MAP4K5: variants seen among roughly 807,000 people sequenced by gnomAD.
MAP4K5 encodes mitogen-activated protein kinase kinase kinase kinase 5.
Under a neutral mutation model 135.6 loss-of-function variants are expected in MAP4K5, and 82 were observed. The ratio of observed to expected loss-of-function variants is 0.60; its 90% CI spans 0.51 to 0.73. MAP4K5 has a LOEUF of 0.73. Among genes scored for constraint, MAP4K5 ranks in the 30% least tolerant of loss-of-function variants. The pLI is 0.00. For synonymous variants in MAP4K5, 347 were observed against 335.0 expected (o/e 1.04, Z -0.39); for missense variants, 907 against 1,010.9 (o/e 0.90, Z 1.39).
intron 2 of MAP4K5, among the ~76,000 whole-genome samples, chr14:50,512,355 T>C (rs868429006): frequency 6.1e-5 from 9 of 146,566 alleles, no homozygotes; most frequent in Non-Finnish European, 1.4e-4. Context: ...GATACCTTGA[T>C]TTTTTTAGAG....
At chr14:50,544,080 C>T in intron 1 of MAP4K5, among the ~76,000 whole-genome samples, 1 of 152,210 alleles carries the variant, frequency 6.6e-6, no homozygotes, top group East Asian at 1.9e-4. Flanking sequence ...AAGACTATGT[C>T]TGGAATCCCA....
At chr14:50,557,652 C>G (rs1465196269) in intron 1 of MAP4K5, among the ~76,000 whole-genome samples, 4 of 152,038 alleles carry the variant, frequency 2.6e-5, no homozygotes, top group African/African-American at 7.2e-5. Flanking sequence ...AATACATAAC[C>G]ATGTATGTTT....
chr14:50,456,360 C>G lies in MAP4K5; in HGVS notation c.1015+156G>C, dbSNP rs554640745. On this transcript the variant is annotated intron_variant, in intron 14 of 32. Coordinates refer to ENST00000682126, the MANE Select transcript of MAP4K5 (RefSeq NM_006575.6). ...TCAGAAATTACAAACCAAGGGAATT[C>G]CATCGAAACCAGAAAAGCAACCCCT... 1.5e-4 allele frequency: 92 copies of G among 600,924 alleles called. 1 individual carries two copies. The African/African-American group carries it at 1.7e-3, about 11-fold the overall frequency. 37.2% of individuals were successfully genotyped at this position (600,924 alleles called of 1,614,324 possible).
chr14:50,504,141 G>A (rs1018723861), intron 3 of MAP4K5, among the ~76,000 whole-genome samples: 26 of 151,924 alleles, frequency 1.7e-4, no homozygotes, highest in African/African-American at 5.8e-4. Flanking sequence ...CATTTTAACC[G>A]CTCAAACTAG....
At chr14:50,483,609 G>A (rs575355375) in intron 5 of MAP4K5, among the ~76,000 whole-genome samples, 1 of 150,854 alleles carries the variant, frequency 6.6e-6, no homozygotes, top group South Asian at 2.1e-4. Context: ...CTACCGGGAT[G>A]GGTACTTCTT....
intron 12 of MAP4K5, 24 bp downstream of exon 12, chr14:50,464,027 AC>A: frequency 7.4e-7 from 1 of 1,355,800 alleles, no homozygotes; most frequent in Admixed American, 2.0e-5. Context: ...CTATAGGAAG[AC>A]CCCTCGTAAT....
rs764916964 is a variant in MAP4K5, at chr14:50,445,078, G to T, written c.1302C>A (p.Ser434Arg). 1.2e-6 allele frequency: 2 copies of T among 1,613,554 alleles called. No individual in the cohort carries two copies. Among genetic ancestry groups the T allele is most frequent in the African/African-American group, 1.3e-5 (1 of 74,910 alleles). ...RAPQILRRQS[S>R]PSCGPVAETS... ...TCTCTGCCACAGGCCCACAACTTGG[G>T]CTACTCTGTCTTCTGAGAATTTGGG... Residue 434 changes from serine to arginine, a missense_variant, in exon 18 of 33, where the codon AGC becomes AGA. Transcript: ENST00000682126.
Position 50,490,126 on chromosome 14 carries a change from T to TGA in MAP4K5, c.167-3934_167-3933dup, listed in dbSNP as rs1373190945. On this transcript the variant is annotated intron_variant, in intron 3 of 32. Transcript: ENST00000682126. Reference sequence around the variant, plus strand: ...CAGACAGAGAGAGACAGAGAGCGAGTGAGAGTGTGTGTGTGTGTGTGTGTG... The same window carrying TGA: ...CAGACAGAGAGAGACAGAGAGCGAGTGAGAGAGTGTGTGTGTGTGTGTGTGTG... Among the ~76,000 whole-genome samples the TGA allele has an allele frequency of 2.8e-4, 22 of 79,802 alleles. No individual in the cohort carries two copies. The East Asian group carries it at 2.9e-3, about 11-fold the overall frequency. The allele number at this position is 79,802 out of a possible 152,430, so 52.4% of individuals were successfully genotyped here.
chr14:50,475,080 T>C lies in MAP4K5; in HGVS notation c.539A>G (p.Tyr180Cys). ...TTCAATCACAGTAATGTCTTACCAG[T>C]AAGGGGTGCCAATGAAAGATTTTCG... ...AKRKSFIGTP[Y>C]WMAPEVAAVE... is the part of the protein sequence containing the mutation. The change falls in exon 9 of 33, where the codon TAC becomes TGC. Residue 180 changes from tyrosine (Y) to cysteine (C), a missense_variant. Around this residue, in one of 3 missense-constraint regions of MAP4K5, gnomAD observed 21 missense variants for 44.2 expected, o/e 0.47. Transcript: ENST00000682126. 1 of 1,612,826 alleles carries C rather than the reference T, an allele frequency of 6.2e-7. No homozygotes were observed. The highest frequency in any genetic ancestry group is 8.5e-7 in the Non-Finnish European group (1 of 1,178,868).
At chr14:50,556,327 C>A (rs1158240733) in intron 1 of MAP4K5, among the ~76,000 whole-genome samples, 1 of 152,122 alleles carries the variant, frequency 6.6e-6, no homozygotes, top group Non-Finnish European at 1.5e-5. Flanking sequence ...GGGATCCTCC[C>A]ACCTCAGCCT....
intron 2 of MAP4K5, among the ~76,000 whole-genome samples, chr14:50,519,692 T>G (rs1295484306): frequency 6.6e-6 from 1 of 151,748 alleles, no homozygotes; most frequent in African/African-American, 2.4e-5. Flanking sequence ...AAATAAAAAA[T>G]GAACATGTAT....
Position 50,442,770 on chromosome 14 carries a change from A to G in MAP4K5, c.1526T>C (p.Ile509Thr), listed in dbSNP as rs757954285. 1.9e-6 allele frequency: 3 copies of G among 1,598,844 alleles called. No individual in the cohort carries two copies. Among genetic ancestry groups the G allele is most frequent in the Non-Finnish European group, 2.6e-6 (3 of 1,173,412 alleles). ...SKVFDGCPLK[I>T]NCATSWIHPD... is the part of the protein sequence containing the mutation. ...ATGTATCCAGGATGTTGCACAATTA[A>G]TTTTCAAAGGACAGCCATCAAAAAC... Residue 509 changes from isoleucine (I) to threonine (T), a missense_variant, in exon 21 of 33, where the codon ATT (isoleucine) becomes ACT (threonine). Ile to Thr is a moderately conservative substitution (Grantham distance 89). Transcript: ENST00000682126.
intron 1 of MAP4K5, among the ~76,000 whole-genome samples, chr14:50,543,880 G>T (rs1269187235): frequency 2.0e-5 from 3 of 152,148 alleles, no homozygotes; most frequent in African/African-American, 4.8e-5. Context: ...TAGTGCCCAA[G>T]GGATTGATAC....
chr14:50,424,149 T>C (rs527482841), intron 31 of MAP4K5, among the ~76,000 whole-genome samples: 4 of 150,982 alleles, frequency 2.6e-5, no homozygotes, highest in Non-Finnish European at 5.9e-5. Context: ...CACTAAGATA[T>C]TGTAGATATA....
At chr14:50,533,132 T>G (rs2038441945), upstream of MAP4K5, 1 of 152,316 alleles carries the variant, frequency 6.6e-6, no homozygotes, top group Non-Finnish European at 1.5e-5. Flanking sequence ...ACTTAGTTCT[T>G]CTGAGACATT....
chr14:50,504,417 A>G (rs563427348), intron 3 of MAP4K5, among the ~76,000 whole-genome samples: 160 of 152,266 alleles, frequency 1.1e-3, no homozygotes, highest in Admixed American at 3.2e-3. Context: ...CAGAATTAAC[A>G]AACCTAAATC....
At chr14:50,494,692 T>C (rs1045358857) in intron 3 of MAP4K5, among the ~76,000 whole-genome samples, 1 of 152,054 alleles carries the variant, frequency 6.6e-6, no homozygotes, top group Non-Finnish European at 1.5e-5. Flanking sequence ...AAAGCTACCA[T>C]AATCAAAACA....
Position 50,437,483 on chromosome 14 carries a change from A to C in MAP4K5, c.1875T>G (p.Cys625Trp). ...KIPDTKGCHK[C>W]CIVRNPYTGH... ...GAAATACCATTTACTCACCTATGCA[A>C]CATTTGTGGCAGCCTTTTGTATCAG... is the stretch of plus-strand genomic sequence containing the variant. The change falls in exon 26 of 33, where the codon TGT becomes TGG. Residue 625 changes from cysteine to tryptophan, a missense_variant. Physicochemically the swap from Cys to Trp is radical, Grantham distance 215. Around this residue, in one of 3 missense-constraint regions of MAP4K5, gnomAD observed 690 missense variants for 777.4 expected, o/e 0.89. Coordinates refer to ENST00000682126, the MANE Select transcript of MAP4K5 (RefSeq NM_006575.6). 5 of 1,601,028 alleles carry C rather than the reference A, an allele frequency of 3.1e-6. No homozygotes were observed. Among genetic ancestry groups the C allele is most frequent in the Non-Finnish European group, 4.3e-6 (5 of 1,174,862 alleles).
Position 50,440,353 on chromosome 14 carries a change from C to G in MAP4K5, c.1644+9G>C. On this transcript the variant is annotated intron_variant, in intron 22 of 32. Transcript: ENST00000682126. The stretch of plus-strand genomic sequence containing the variant: ...TAAATTAATTTCTTGAATTAAAATG[C>G]CTAATTACCTGTTCCATCGTTGCCT... The G allele has an allele frequency of 1.9e-6, 3 of 1,547,768 alleles. No homozygotes were observed. Among genetic ancestry groups the G allele is most frequent in the South Asian group, 2.3e-5 (2 of 85,932 alleles).
Sources: allele counts gnomAD v4.1 joint callset (sites outside exome capture counted in the v4.1 genomes callset), GRCh38; gene constraint gnomAD v4.1.1; regional missense constraint gnomAD v4.1.1; transcripts MANE v1.5; gene names NCBI Gene and HGNC (gene_info 2026-07-23, HGNC 2026-07-21).